The following TMEM132B variants were observed in gnomAD, a reference collection of about 807,000 sequenced individuals.
TMEM132B encodes the protein transmembrane protein 132B.
TMEM132B carries 18 observed loss-of-function variants against 90.8 expected under a neutral mutation model. The ratio of observed to expected loss-of-function variants is 0.20; its 90% confidence interval spans 0.14 to 0.29. The LOEUF (loss-of-function observed/expected upper bound fraction) is 0.29, where lower values mean the gene tolerates loss of function less well. TMEM132B is among the 10% of genes least tolerant of loss of function. The pLI is 1.00. For missense variants in TMEM132B, 1,096 were observed against 1,326.8 expected (o/e 0.83, Z 2.70); for synonymous variants, 504 against 523.3 (o/e 0.96, Z 0.50).
chr12:125,335,498 A>G (rs144866430), intron 1 of TMEM132B, among the ~76,000 whole-genome samples: 32 of 152,362 alleles, frequency 2.1e-4, no homozygotes, highest in Middle Eastern at 3.4e-3. Flanking sequence ...CAAATGCCCT[A>G]TCATAGACAG....
chr12:125,515,955 TTCTC>T (rs1298291002), intron 3 of TMEM132B, among the ~76,000 whole-genome samples: 2 of 147,472 alleles, frequency 1.4e-5, no homozygotes, highest in South Asian at 4.2e-4. Flanking sequence ...GAGCTGCACA[TTCTC>T]TCTTGTGCCG....
intron 4 of TMEM132B, among the ~76,000 whole-genome samples, chr12:125,525,474 G>A (rs894903758): frequency 6.6e-6 from 1 of 152,226 alleles, no homozygotes; most frequent in Non-Finnish European, 1.5e-5. Flanking sequence ...AGGACATGGT[G>A]TTTCGTCCTC....
intron 5 of TMEM132B, among the ~76,000 whole-genome samples, chr12:125,636,739 A>G (rs1886490966): frequency 6.6e-6 from 1 of 152,194 alleles, no homozygotes; most frequent in African/African-American, 2.4e-5. Flanking sequence ...AATAGAAGAG[A>G]TGAAACTGCG....
intron 1 of TMEM132B, among the ~76,000 whole-genome samples, chr12:125,265,954 C>T (rs928636652): frequency 2.0e-5 from 3 of 152,142 alleles, no homozygotes; most frequent in Admixed American, 6.5e-5. Flanking sequence ...CCAGGCCAGG[C>T]GTGGTGGCTC....
At chr12:125,481,926 C>T (rs1434507973) in intron 3 of TMEM132B, among the ~76,000 whole-genome samples, 4 of 152,150 alleles carry the variant, frequency 2.6e-5, no homozygotes, top group Non-Finnish European at 4.4e-5. Context: ...TGGAACAGAA[C>T]AGAGGCCTCA....
Position 125,217,922 on chromosome 12 carries a change from T to G in TMEM132B, c.67+31056T>G, listed in dbSNP as rs568195938. On this transcript the variant is annotated intron_variant, in intron 1 of 8. Coordinates refer to ENST00000682704, the MANE Select transcript of TMEM132B (RefSeq NM_001366854.1). ...AGCAGTTGTTCGTAAGAGGAGAGAT[T>G]TGAGGATAGCCTAAACTGATTAAGC... 7.5e-4 allele frequency among the ~76,000 whole-genome samples: 114 copies of G among 152,290 alleles called. 1 individual carries two copies. The South Asian group carries it at 0.022, about 29-fold the overall frequency.
At chr12:125,430,987 G>T (rs147207704) in intron 3 of TMEM132B, among the ~76,000 whole-genome samples, 1 of 152,214 alleles carries the variant, frequency 6.6e-6, no homozygotes, top group East Asian at 1.9e-4. Context: ...TCCCTGAGGT[G>T]GCCGGCCCCA....
intron 3 of TMEM132B, among the ~76,000 whole-genome samples, chr12:125,418,910 G>A (rs921246701): frequency 2.4e-4 from 37 of 152,274 alleles, no homozygotes; most frequent in African/African-American, 8.2e-4. Context: ...ATTTGAAAGT[G>A]TTCAGAACAG....
chr12:125,606,304 G>T (rs566260677), intron 5 of TMEM132B, among the ~76,000 whole-genome samples: 1 of 145,014 alleles, frequency 6.9e-6, no homozygotes, highest in African/African-American at 2.6e-5. Context: ...GGCAAGGACT[G>T]ATTTCTTTCC....
chr12:125,646,295 G>T (rs1384222822), intron 6 of TMEM132B, among the ~76,000 whole-genome samples: 1 of 152,220 alleles, frequency 6.6e-6, no homozygotes, highest in Non-Finnish European at 1.5e-5. Flanking sequence ...AATGCAAGAG[G>T]ATAGAGAAAA....
At chr12:125,597,438 C>T (rs1195906023) in intron 5 of TMEM132B, among the ~76,000 whole-genome samples, 1 of 152,162 alleles carries the variant, frequency 6.6e-6, no homozygotes, top group African/African-American at 2.4e-5. Context: ...CAAAAAGACA[C>T]TTGTAATTTC....
intron 2 of TMEM132B, among the ~76,000 whole-genome samples, chr12:125,377,931 A>C (rs1878543796): frequency 6.6e-6 from 1 of 152,198 alleles, no homozygotes; most frequent in African/African-American, 2.4e-5. Flanking sequence ...TACAGCGCAC[A>C]CATACGGTCA....
In TMEM132B at chr12:125,443,373, A is replaced by G. The variant is rs144988280; in HGVS notation, c.1106+27696A>G. ...CTTTCTTTGGTGTAAACTTTGGTGCATGGAGGGATTGTAGGATGGCCCCTT... is the reference window on the plus strand; with the variant it reads ...CTTTCTTTGGTGTAAACTTTGGTGCGTGGAGGGATTGTAGGATGGCCCCTT... On this transcript the variant is annotated intron_variant, in intron 3 of 8. Transcript: ENST00000682704. 6.9e-3 allele frequency among the ~76,000 whole-genome samples: 1,048 copies of G among 152,310 alleles called. 15 individuals carry two copies. The highest frequency in any genetic ancestry group is 0.024 in the African/African-American group (977 of 41,566).
intron 1 of TMEM132B, among the ~76,000 whole-genome samples, chr12:125,325,499 A>G (rs1055506764): frequency 3.3e-5 from 5 of 152,188 alleles, no homozygotes; most frequent in African/African-American, 1.2e-4. Context: ...TAAGCCTTCA[A>G]AGAATTATTT....
chr12:125,374,378 AT>A (rs1176315581), intron 2 of TMEM132B, among the ~76,000 whole-genome samples: 4 of 151,922 alleles, frequency 2.6e-5, no homozygotes, highest in Non-Finnish European at 4.4e-5. Flanking sequence ...AAGTATCTGG[AT>A]TCTCATGGGA....
chr12:125,461,497 T>A (rs1357479114), intron 3 of TMEM132B, among the ~76,000 whole-genome samples: 1 of 152,250 alleles, frequency 6.6e-6, no homozygotes, highest in Non-Finnish European at 1.5e-5. Flanking sequence ...CAGCTGATAG[T>A]TGCTGCAGAG....
intron 5 of TMEM132B, among the ~76,000 whole-genome samples, chr12:125,627,715 T>C (rs1273920891): frequency 6.6e-6 from 1 of 152,132 alleles, no homozygotes; most frequent in Non-Finnish European, 1.5e-5. Flanking sequence ...TAAATTATTA[T>C]TGACTATAAT....
intron 2 of TMEM132B, among the ~76,000 whole-genome samples, chr12:125,373,234 C>G (rs1036378145): frequency 6.6e-6 from 1 of 152,222 alleles, no homozygotes; most frequent in Non-Finnish European, 1.5e-5. Flanking sequence ...CTTTACATCT[C>G]GGATACAGCC....
chr12:125,491,680 G>A (rs1473340276), intron 3 of TMEM132B, among the ~76,000 whole-genome samples: 6 of 152,144 alleles, frequency 3.9e-5, no homozygotes, highest in Non-Finnish European at 5.9e-5. Flanking sequence ...ATGATTTGCC[G>A]CTGGCCCATG....
Sources: gnomAD v4.1 joint callset for allele counts (sites outside exome capture counted in the v4.1 genomes callset) on GRCh38, gnomAD v4.1.1 for gene constraint, MANE v1.5 for transcripts, NCBI Gene and HGNC (gene_info 2026-07-23, HGNC 2026-07-21) for gene names.